Variants in MYO9B observed in about 807,000 individuals in gnomAD.
MYO9B encodes myosin IXB, also known as unconventional myosin-IXb.
In MYO9B, 71 loss-of-function variants were observed where a neutral mutation model predicts 229.5. The ratio of observed to expected loss-of-function variants is 0.31; its 90% confidence interval spans 0.26 to 0.38. MYO9B has a LOEUF of 0.38. Ranked by LOEUF, MYO9B falls within the 10% of genes least tolerant of loss-of-function variation. MYO9B has a pLI of 1.00. For missense variants in MYO9B, 2,255 were observed against 2,920.5 expected (o/e 0.77, Z 5.25); for synonymous variants, 1,185 against 1,235.8 (o/e 0.96, Z 0.86).
At chr19:17,137,572 AT>A (rs2072287042) in intron 2 of MYO9B, among the ~76,000 whole-genome samples, 1 of 151,896 alleles carries the variant, frequency 6.6e-6, no homozygotes, top group Admixed American at 6.6e-5. Flanking sequence ...GTGCCCCATG[AT>A]CTTGAGCTCC....
chr19:17,193,225 G>T lies in MYO9B; in HGVS notation c.3128+163G>T, dbSNP rs1464484440. Among the ~76,000 whole-genome samples the T allele has an allele frequency of 6.6e-6, 1 of 152,230 alleles. No homozygotes were observed. The highest frequency in any genetic ancestry group is 2.4e-5 in the African/African-American group (1 of 41,456). ...AAACCAGATGCCTAGGCACTCATGG[G>T]CTGCAGAGAAGTGCTCCAAGGCTGG... On this transcript the variant is annotated intron_variant, in intron 21 of 39. Coordinates refer to ENST00000682292, the MANE Select transcript of MYO9B (RefSeq NM_004145.4). The surrounding 1 kb of genome is among the most constrained non-coding windows in gnomAD (Gnocchi z 4.3).
In MYO9B at chr19:17,101,711, C is replaced by CA. The variant is rs1568661596; in HGVS notation, c.-7_-6insA. ...GGGAGGCATGCTGAAGCCAGGCGGC[C>CA]GGCAGGATGAGTGTGAAAGAGGCAG... On this transcript the variant is annotated 5_prime_UTR_variant, in exon 2 of 40. Transcript: ENST00000682292. The surrounding 1 kb of genome is among the most constrained non-coding windows in gnomAD (Gnocchi z 4.7). 7.1e-6 allele frequency: 11 copies of CA among 1,557,298 alleles called. No homozygotes were observed. The East Asian group carries it at 2.1e-4, about 30-fold the overall frequency.
chr19:17,152,186 C>CA (rs537549171), intron 3 of MYO9B, among the ~76,000 whole-genome samples: 65,633 of 127,134 alleles, frequency 0.52, 15,831 homozygotes, highest in Middle Eastern at 0.55. Flanking sequence ...GACTCCATCA[C>CA]AAAAAAAAAA....
chr19:17,183,730 GTC>G lies in MYO9B; in HGVS notation c.2334-94_2334-93del, dbSNP rs541346874. ...TTCTCACTCTCTCCCCTCTCTCTGT[GTC>G]TCTCAGTCTAACCCGCCAGGCGTGG... On this transcript the variant is annotated intron_variant, in intron 15 of 39. Coordinates refer to ENST00000682292, the MANE Select transcript of MYO9B (RefSeq NM_004145.4). 413 of 996,148 alleles carry G rather than the reference GTC, an allele frequency of 4.1e-4. 3 individuals are homozygous for G. The African/African-American group carries it at 6.2e-3, about 15-fold the overall frequency. The allele number at this position is 996,148 out of a possible 1,614,324, so 61.7% of individuals were successfully genotyped here.
At chr19:17,099,711 G>T (rs1425276606) in intron 1 of MYO9B, among the ~76,000 whole-genome samples, 2 of 151,002 alleles carry the variant, frequency 1.3e-5, no homozygotes, top group Non-Finnish European at 2.9e-5. Context: ...TCAGCTACTC[G>T]AGAGGCTGAG....
At chr19:17,204,744 G>A (rs2073141647) in intron 30 of MYO9B, among the ~76,000 whole-genome samples, 1 of 152,122 alleles carries the variant, frequency 6.6e-6, no homozygotes, top group African/African-American at 2.4e-5. Context: ...CTACTTGGGA[G>A]GATCACCTGG....
At chr19:17,209,409 G>A (rs921934835) in intron 35 of MYO9B, among the ~76,000 whole-genome samples, 177 bp from the exon 36 acceptor site, 2 of 152,212 alleles carry the variant, frequency 1.3e-5, no homozygotes, top group African/African-American at 4.8e-5. Context: ...GGCTCAAAGA[G>A]GTAGAGTGAG....
At chr19:17,163,779 G>A (rs909802559) in intron 10 of MYO9B, among the ~76,000 whole-genome samples, 8 of 152,126 alleles carry the variant, frequency 5.3e-5, no homozygotes, top group Non-Finnish European at 1.2e-4. Context: ...AGTCCTCATG[G>A]TTCATCCACA....
At chr19:17,115,696 T>C (rs968122080) in intron 2 of MYO9B, among the ~76,000 whole-genome samples, 11 of 151,960 alleles carry the variant, frequency 7.2e-5, no homozygotes, top group African/African-American at 2.4e-4. Flanking sequence ...CTCAAACTCC[T>C]GACCTCAAGT....
chr19:17,082,894 G>A (rs545846595), intron 1 of MYO9B, among the ~76,000 whole-genome samples: 188 of 152,210 alleles, frequency 1.2e-3, no homozygotes, highest in African/African-American at 4.2e-3. Context: ...GGGCAGGTAC[G>A]TCCTCAAGGC....
At chr19:17,131,071 G>T (rs185837343) in intron 2 of MYO9B, among the ~76,000 whole-genome samples, 1 of 152,086 alleles carries the variant, frequency 6.6e-6, no homozygotes, top group African/African-American at 2.4e-5. Flanking sequence ...CTGTTAGGTC[G>T]GTTTAGCTAG....
intron 19 of MYO9B, 92 bp downstream of exon 19, chr19:17,188,137 T>A: frequency 8.3e-7 from 1 of 1,198,748 alleles, no homozygotes; most frequent in African/African-American, 1.5e-5. Context: ...GAGTGTAAAC[T>A]CAGCAGGTTG....
At chr19:17,153,380 C>CT (rs2072501349) in intron 4 of MYO9B, among the ~76,000 whole-genome samples, 1 of 124,292 alleles carries the variant, frequency 8.0e-6, no homozygotes, top group Admixed American at 8.7e-5. Context: ...GTCCTTGTCT[C>CT]TTTTAAAAAA....
chr19:17,144,321 G>A (rs2072379658), intron 2 of MYO9B, among the ~76,000 whole-genome samples: 2 of 152,240 alleles, frequency 1.3e-5, no homozygotes, highest in Non-Finnish European at 1.5e-5. Flanking sequence ...TAAATAAACC[G>A]AGTCTGGGCA....
intron 32 of MYO9B, 23 bp from the exon 33 acceptor site, chr19:17,206,225 G>GGGGGGGGGCCCCCCCC: frequency 6.4e-7 from 1 of 1,564,670 alleles, no homozygotes; most frequent in Non-Finnish European, 8.7e-7. Context: ...CCGCTCACCA[G>GGGGGGGGGCCCCCCCC]ACCCACCCCA....
chr19:17,082,798 C>G (rs2123437470), intron 1 of MYO9B, among the ~76,000 whole-genome samples: 1 of 152,164 alleles, frequency 6.6e-6, no homozygotes, highest in East Asian at 1.9e-4. Flanking sequence ...CCTGGGTGGT[C>G]CCTCGGGAGT....
At chr19:17,166,204 G>A (rs1035378907) in intron 10 of MYO9B, among the ~76,000 whole-genome samples, 1 of 151,924 alleles carries the variant, frequency 6.6e-6, no homozygotes, top group African/African-American at 2.4e-5. Context: ...CACCAGGCCC[G>A]GCTAATTTTT....
rs1285222687 is a variant in MYO9B, at chr19:17,132,299, C to T, written c.841-13098C>T. Among the ~76,000 whole-genome samples, 3 of 140,866 alleles carry T rather than the reference C, an allele frequency of 2.1e-5. No individual in the cohort carries two copies. In the Admixed American group the frequency reaches 2.3e-4, roughly 11 times the overall value. 92.4% of individuals were successfully genotyped at this position (140,866 alleles called of 152,430 possible). ...CTCCTGGGTTCAAGCAATTCTCTTG[C>T]CTCAGCCTCCCAAGTAGGAGGGACT... On this transcript the variant is annotated intron_variant, in intron 2 of 39. Coordinates refer to ENST00000682292, the MANE Select transcript of MYO9B (RefSeq NM_004145.4).
Position 17,201,873 on chromosome 19 carries a change from T to C in MYO9B, c.4564-53T>C. The C allele has an allele frequency of 2.2e-6, 3 of 1,372,680 alleles. No individual in the cohort carries two copies. The South Asian group carries it at 3.6e-5, about 17-fold the overall frequency. The allele number at this position is 1,372,680 out of a possible 1,614,324, so 85.0% of individuals were successfully genotyped here. ...GTGACCCCTTGGGCACCTCCTCGGG[T>C]ACGCAGGTCCCCAGGCCTGAGGCAC... is the stretch of plus-strand genomic sequence containing the variant. On this transcript the variant is annotated intron_variant, in intron 26 of 39. Transcript: ENST00000682292.
Sources: gnomAD v4.1 joint callset for allele counts (sites outside exome capture counted in the v4.1 genomes callset) on GRCh38, gnomAD v4.1.1 for gene constraint, Gnocchi (gnomAD v3.1) non-coding constraint, MANE v1.5 for transcripts, NCBI Gene and HGNC (gene_info 2026-07-23, HGNC 2026-07-21) for gene names.